CNNM4: variants seen among roughly 807,000 people sequenced by gnomAD.
The protein encoded by CNNM4 is cyclin and CBS domain divalent metal cation transport mediator 4, also known as metal transporter CNNM4.
Under a neutral mutation model 53.7 loss-of-function variants are expected in CNNM4, and 32 were observed. That is an observed-to-expected ratio of 0.60 (90% CI 0.45 to 0.80). CNNM4 has a LOEUF of 0.80. Ranked by LOEUF, CNNM4 falls within the 30% of genes least tolerant of loss-of-function variation. The pLI is 0.00. For synonymous variants in CNNM4, 410 were observed against 440.0 expected, an observed-to-expected ratio of 0.93 and a Z score of 0.85; for missense variants, 784 against 1,022.0, an observed-to-expected ratio of 0.77 and a Z score of 3.17.
intron 1 of CNNM4, among the ~76,000 whole-genome samples, chr2:96,772,527 A>G (rs2078885695): frequency 7.4e-6 from 1 of 134,840 alleles, no homozygotes; most frequent in Admixed American, 7.8e-5. Flanking sequence ...AGGCACAGGC[A>G]GGCACTCACA....
chr2:96,803,021 T>C (rs886237743), intron 5 of CNNM4, among the ~76,000 whole-genome samples: 2 of 152,200 alleles, frequency 1.3e-5, no homozygotes, highest in African/African-American at 4.8e-5. Context: ...GGATATCCAT[T>C]TTACATTTGT....
At chr2:96,799,006 TA>T in intron 3 of CNNM4, 50 bp from the exon 4 acceptor site, 1 of 1,591,018 alleles carries the variant, frequency 6.3e-7, no homozygotes, top group Non-Finnish European at 8.6e-7. Flanking sequence ...GATCGAGCTT[TA>T]GGGCCACCTG....
At chr2:96,770,790 C>G (rs2078862067) in intron 1 of CNNM4, among the ~76,000 whole-genome samples, 1 of 152,202 alleles carries the variant, frequency 6.6e-6, no homozygotes, top group African/African-American at 2.4e-5. Context: ...GCATGGTTGT[C>G]CTGCACTGAG....
chr2:96,789,676 AATTTT>A (rs767643606), intron 1 of CNNM4, among the ~76,000 whole-genome samples: 1 of 151,916 alleles, frequency 6.6e-6, no homozygotes, highest in African/African-American at 2.4e-5. Flanking sequence ...GCGGTATTAG[AATTTT>A]ATTTTATTTT....
At chr2:96,802,008 C>T (rs1335817996) in intron 5 of CNNM4, among the ~76,000 whole-genome samples, 1 of 151,656 alleles carries the variant, frequency 6.6e-6, no homozygotes, top group Admixed American at 6.6e-5. Flanking sequence ...CATGGACACA[C>T]ACACACACAG....
In CNNM4 at chr2:96,810,151, A is replaced by G. The variant is rs1240556626; in HGVS notation, c.*634A>G. On this transcript the variant is annotated 3_prime_UTR_variant, in exon 7 of 7. Coordinates refer to ENST00000377075, the MANE Select transcript of CNNM4 (RefSeq NM_020184.4). The surrounding 1 kb of genome is among the most constrained non-coding windows in gnomAD (Gnocchi z 4.1). The stretch of plus-strand genomic sequence containing the variant: ...ACGCTGAGGCCACGAGCTCCTGGGT[A>G]GCTGTGATCAGGGACATGATAATCT... The G allele has an allele frequency of 6.5e-6, 1 of 152,814 alleles. No individual in the cohort carries two copies. The highest frequency in any genetic ancestry group is 1.5e-5 in the Non-Finnish European group (1 of 68,368). The allele number at this position is 152,814 out of a possible 1,614,324, so 9.5% of individuals were successfully genotyped here.
chr2:96,810,739 G>A lies in CNNM4; in HGVS notation c.*1222G>A, dbSNP rs2079250063. ...ACCCACTTATGGAACCTCAGGAGAG[G>A]AGGGCTCCTCCTAAAGGCATGCAGC... On this transcript the variant is annotated 3_prime_UTR_variant, in exon 7 of 7. Coordinates refer to ENST00000377075, the MANE Select transcript of CNNM4 (RefSeq NM_020184.4). The surrounding 1 kb of genome is among the most constrained non-coding windows in gnomAD (Gnocchi z 4.1). 2 of 152,242 alleles carry A rather than the reference G, an allele frequency of 1.3e-5. No individual in the cohort carries two copies. The highest frequency in any genetic ancestry group is 2.9e-5 in the Non-Finnish European group (2 of 68,052). The allele number at this position is 152,242 out of a possible 1,614,324, so 9.4% of individuals were successfully genotyped here. A position where few individuals can be genotyped will look rare whatever the true frequency, so the allele number is the denominator to read the frequency against.
chr2:96,809,284 C>A lies in CNNM4; in HGVS notation c.2131-36C>A, dbSNP rs763757716. 2.5e-6 allele frequency: 4 copies of A among 1,612,912 alleles called. No homozygotes were observed. The Admixed American group carries it at 6.7e-5, about 27-fold the overall frequency. ...CCTGGTGATAGGGTCTGCCTCCCAG[C>A]CCCTCCCTCCATGAACTCATCCCTT... On this transcript the variant is annotated intron_variant, in intron 6 of 6. Transcript: ENST00000377075.
rs765965044 is a variant in CNNM4 at position 96,808,522 on chromosome 2, G to T, written c.1949-39G>T. On this transcript the variant is annotated intron_variant, in intron 5 of 6. Coordinates refer to ENST00000377075, the MANE Select transcript of CNNM4 (RefSeq NM_020184.4). The surrounding 1 kb of genome is among the most constrained non-coding windows in gnomAD (Gnocchi z 4.9). Reference sequence around the variant, plus strand: ...GACATGAGGGTGAGAGTGGGCATCGGAGTGGCCTTTGGCATGACAACCTCT... The same window carrying T: ...GACATGAGGGTGAGAGTGGGCATCGTAGTGGCCTTTGGCATGACAACCTCT... The T allele has an allele frequency of 6.2e-7, 1 of 1,610,850 alleles. No individual in the cohort carries two copies. The highest frequency in any genetic ancestry group is 8.5e-7 in the Non-Finnish European group (1 of 1,177,420).
At chr2:96,768,348 T>G (rs1368399545) in intron 1 of CNNM4, among the ~76,000 whole-genome samples, 3 of 150,334 alleles carry the variant, frequency 2.0e-5, no homozygotes, top group Non-Finnish European at 4.4e-5. Context: ...GTGCAGGCTG[T>G]TGGGAATCAG....
At chr2:96,762,739 G>A (rs567385866) in intron 1 of CNNM4, among the ~76,000 whole-genome samples, 1 of 152,286 alleles carries the variant, frequency 6.6e-6, no homozygotes, top group East Asian at 1.9e-4. Context: ...GAGATTTAGA[G>A]TATGGGGTGG....
intron 1 of CNNM4, among the ~76,000 whole-genome samples, chr2:96,770,097 G>A (rs776179607): frequency 6.6e-6 from 1 of 152,228 alleles, no homozygotes; most frequent in South Asian, 2.1e-4. Context: ...GCCTATGGGC[G>A]GGTTCCCAAA....
chr2:96,791,404 G>A (rs943425737), intron 1 of CNNM4, among the ~76,000 whole-genome samples: 1 of 152,004 alleles, frequency 6.6e-6, no homozygotes, highest in Non-Finnish European at 1.5e-5. Context: ...GGCTGAGGTG[G>A]GTGGATCACC....
intron 1 of CNNM4, among the ~76,000 whole-genome samples, chr2:96,778,373 T>C (rs1271072978): frequency 6.6e-6 from 1 of 150,962 alleles, no homozygotes; most frequent in Non-Finnish European, 1.5e-5. Context: ...CTGGCCAAGA[T>C]GGTGAAACCT....
At position 96,809,489 on chromosome 2, in the gene CNNM4, A is replaced by G. The variant is rs1264029609; in HGVS notation, c.2300A>G (p.His767Arg). ...CTCAACGAGCGTAACTCCTTGCTGC[A>G]CAAAGCCTCCCACGAGAATGCCATC... is the stretch of plus-strand genomic sequence containing the variant. ...TLLNERNSLL[H>R]KASHENAI Residue 767 changes from histidine to arginine, a missense_variant, in exon 7 of 7, where the codon CAC becomes CGC. Physicochemically the swap from His to Arg is conservative, Grantham distance 29. Around this residue, in one of 3 missense-constraint regions of CNNM4, gnomAD observed 307 missense variants for 376.3 expected, o/e 0.82. Transcript: ENST00000377075. The G allele has an allele frequency of 2.5e-6, 4 of 1,614,094 alleles. No homozygotes were observed. The highest frequency in any genetic ancestry group is 3.4e-6 in the Non-Finnish European group (4 of 1,180,042).
intron 1 of CNNM4, among the ~76,000 whole-genome samples, chr2:96,782,735 T>C (rs926122108): frequency 5.3e-4 from 81 of 152,166 alleles, no homozygotes; most frequent in African/African-American, 1.9e-3. Context: ...AGGAACCAAC[T>C]GGGGTTTACT....
At chr2:96,804,954 T>C (rs770951259) in intron 5 of CNNM4, among the ~76,000 whole-genome samples, 3 of 151,898 alleles carry the variant, frequency 2.0e-5, no homozygotes, top group Non-Finnish European at 4.4e-5. Context: ...CCCAGGAGTT[T>C]CAAACCAGCC....
intron 4 of CNNM4, 104 bp downstream of exon 4, chr2:96,799,330 T>A: frequency 4.8e-6 from 7 of 1,458,866 alleles, no homozygotes; most frequent in Non-Finnish European, 6.7e-6. Flanking sequence ...CTTCCCTGCC[T>A]GGGGAGCCTG....
At chr2:96,807,944 A>T (rs1218789579) in intron 5 of CNNM4, among the ~76,000 whole-genome samples, 1 of 151,834 alleles carries the variant, frequency 6.6e-6, no homozygotes, top group Non-Finnish European at 1.5e-5. Context: ...GCTGGAGTGC[A>T]GTGGTGCCAG....
Sources: gnomAD v4.1 joint callset for allele counts (sites outside exome capture counted in the v4.1 genomes callset) on GRCh38, gnomAD v4.1.1 for gene constraint, gnomAD v4.1.1 regional missense constraint, Gnocchi (gnomAD v3.1) non-coding constraint, MANE v1.5 for transcripts, NCBI Gene and HGNC (gene_info 2026-07-23, HGNC 2026-07-21) for gene names.